Variants in NKAIN2 observed in about 807,000 individuals in gnomAD.
The protein encoded by NKAIN2 is sodium/potassium-transporting ATPase subunit beta-1-interacting protein 2.
NKAIN2 carries 14 observed loss-of-function variants against 32.6 expected under a neutral mutation model. The ratio of observed to expected loss-of-function variants is 0.43; its 90% CI spans 0.28 to 0.67. The LOEUF (loss-of-function observed/expected upper bound fraction) is 0.67. Ranked by LOEUF, NKAIN2 falls within the 30% of genes least tolerant of loss-of-function variation. The pLI is 0.17. For missense variants in NKAIN2, 198 were observed against 258.3 expected, an observed-to-expected ratio of 0.77 and a Z score of 1.60; for synonymous variants, 80 against 87.2, an observed-to-expected ratio of 0.92 and a Z score of 0.46.
chr6:124,278,938 T>A (rs7767432), intron 1 of NKAIN2, among the ~76,000 whole-genome samples: 11,733 of 151,896 alleles, frequency 0.077, 596 homozygotes, highest in East Asian at 0.18. Context: ...TATAATGAGG[T>A]AGATCTATTA....
intron 4 of NKAIN2, among the ~76,000 whole-genome samples, chr6:124,695,819 A>G (rs1205215576): frequency 6.6e-6 from 1 of 152,222 alleles, no homozygotes; most frequent in Non-Finnish European, 1.5e-5. Context: ...TTTCTCACCC[A>G]TCATAAGGGC....
rs1461523347 is a variant in NKAIN2 at position 124,600,879 on chromosome 6, AT to A, written c.274-57301del. Reference sequence around the variant, plus strand: ...ACTCTGCACTTAATAGGCCTTCTCGATTTTTTAAAAAAGAATTGATCAAGAA... The same window carrying A: ...ACTCTGCACTTAATAGGCCTTCTCGATTTTTAAAAAAGAATTGATCAAGAA... On this transcript the variant is annotated intron_variant, in intron 3 of 6. Coordinates refer to ENST00000368417, the MANE Select transcript of NKAIN2 (RefSeq NM_001040214.3). Among the ~76,000 whole-genome samples, 3 of 152,014 alleles carry A rather than the reference AT, an allele frequency of 2.0e-5. No individual in the cohort carries two copies. The East Asian group carries it at 5.8e-4, about 29-fold the overall frequency.
rs370190421 is a variant in NKAIN2, at chr6:124,804,901, A to T, written c.536-13486A>T. On this transcript the variant is annotated intron_variant, in intron 5 of 6. Coordinates refer to ENST00000368417, the MANE Select transcript of NKAIN2 (RefSeq NM_001040214.3). ...GAGTCTCACTGATTGCTAGCACAGCAGTCTGAGATCAAACTGCAAGGCGGC... is the reference window on the plus strand; with the variant it reads ...GAGTCTCACTGATTGCTAGCACAGCTGTCTGAGATCAAACTGCAAGGCGGC... Among the ~76,000 whole-genome samples, 13 of 152,330 alleles carry T rather than the reference A, an allele frequency of 8.5e-5. No individual in the cohort carries two copies. The East Asian group carries it at 1.9e-3, about 23-fold the overall frequency.
At chr6:124,463,476 A>G (rs928640482) in intron 3 of NKAIN2, among the ~76,000 whole-genome samples, 2 of 151,900 alleles carry the variant, frequency 1.3e-5, no homozygotes, top group Non-Finnish European at 2.9e-5. Context: ...ATTATCTCCT[A>G]TTTATTCCCT....
At chr6:124,382,522 A>G (rs969368617) in intron 3 of NKAIN2, among the ~76,000 whole-genome samples, 1 of 152,132 alleles carries the variant, frequency 6.6e-6, no homozygotes, top group African/African-American at 2.4e-5. Context: ...CTCAAGCTAC[A>G]CAATATTGGG....
intron 3 of NKAIN2, among the ~76,000 whole-genome samples, chr6:124,402,711 A>G (rs1773678311): frequency 6.6e-6 from 1 of 152,222 alleles, no homozygotes; most frequent in African/African-American, 2.4e-5. Flanking sequence ...ACAGAAAAGC[A>G]CATACTGCAT....
chr6:124,513,225 A>G (rs1778784367), intron 3 of NKAIN2, among the ~76,000 whole-genome samples: 2 of 152,222 alleles, frequency 1.3e-5, no homozygotes. Flanking sequence ...TCACACTTAT[A>G]TATGGAATTT....
At chr6:124,782,948 G>A (rs1779340178) in intron 4 of NKAIN2, among the ~76,000 whole-genome samples, 1 of 152,044 alleles carries the variant, frequency 6.6e-6, no homozygotes. Flanking sequence ...TCAATGAATA[G>A]TTTTGGTTAA....
intron 1 of NKAIN2, among the ~76,000 whole-genome samples, chr6:124,197,076 T>G (rs568853476): frequency 4.6e-5 from 7 of 151,516 alleles, no homozygotes; most frequent in Non-Finnish European, 1.0e-4. Flanking sequence ...TCTTTAAAAT[T>G]TTCTTTATAT....
intron 1 of NKAIN2, among the ~76,000 whole-genome samples, chr6:123,947,267 T>C (rs1388149207): frequency 1.3e-5 from 2 of 152,224 alleles, no homozygotes; most frequent in Non-Finnish European, 2.9e-5. Context: ...CTTGGACTTT[T>C]TCTAGATCTG....
intron 1 of NKAIN2, among the ~76,000 whole-genome samples, chr6:123,892,718 A>G (rs1334921725): frequency 6.6e-6 from 1 of 151,786 alleles, no homozygotes; most frequent in Non-Finnish European, 1.5e-5. Context: ...ATGGAAACAA[A>G]TGTAGATTTG....
intron 3 of NKAIN2, among the ~76,000 whole-genome samples, chr6:124,415,404 C>A (rs1046561947): frequency 2.6e-5 from 4 of 152,184 alleles, no homozygotes; most frequent in Admixed American, 2.6e-4. Context: ...ATGGATAAGG[C>A]GAGGCATGGG....
chr6:123,902,702 ATT>A (rs1774664443), intron 1 of NKAIN2, among the ~76,000 whole-genome samples: 1 of 152,168 alleles, frequency 6.6e-6, no homozygotes, highest in African/African-American at 2.4e-5. Flanking sequence ...AGAAGCATCG[ATT>A]TATTCAGAAG....
intron 1 of NKAIN2, among the ~76,000 whole-genome samples, chr6:123,835,729 G>T (rs1298084877): frequency 3.3e-5 from 5 of 152,114 alleles, no homozygotes; most frequent in Non-Finnish European, 7.4e-5. Flanking sequence ...GTTGTCTTGG[G>T]CTGCTACTGC....
chr6:124,408,805 G>C (rs1479600709), intron 3 of NKAIN2, among the ~76,000 whole-genome samples: 11 of 152,084 alleles, frequency 7.2e-5, no homozygotes, highest in Admixed American at 2.0e-4. Flanking sequence ...CCATTTTCAC[G>C]ATATTGATTC....
intron 1 of NKAIN2, among the ~76,000 whole-genome samples, chr6:123,859,255 A>G (rs539937310): frequency 6.6e-6 from 1 of 152,274 alleles, no homozygotes; most frequent in South Asian, 2.1e-4. Flanking sequence ...ACATTTTTCC[A>G]TATAGATAGA....
intron 1 of NKAIN2, among the ~76,000 whole-genome samples, chr6:124,224,647 A>G (rs956794266): frequency 2.0e-5 from 3 of 152,130 alleles, no homozygotes; most frequent in Admixed American, 6.5e-5. Context: ...CTGAATAAAT[A>G]TAACTAAGAG....
chr6:124,588,129 C>G (rs1276695630), intron 3 of NKAIN2, among the ~76,000 whole-genome samples: 1 of 152,102 alleles, frequency 6.6e-6, no homozygotes, highest in Non-Finnish European at 1.5e-5. Context: ...TTTATAGGTA[C>G]AGATTTTATA....
rs926509735 is a variant in NKAIN2 at position 124,070,887 on chromosome 6, A to G, written c.55-212118A>G. Among the ~76,000 whole-genome samples the G allele has an allele frequency of 4.7e-4, 72 of 152,088 alleles. 2 individuals carry two copies. Among genetic ancestry groups the G allele is most frequent in the Non-Finnish European group, 2.9e-5 (2 of 68,006 alleles). On this transcript the variant is annotated intron_variant, in intron 1 of 6. Coordinates refer to ENST00000368417, the MANE Select transcript of NKAIN2 (RefSeq NM_001040214.3). The stretch of plus-strand genomic sequence containing the variant: ...CATAAAACTACACTAACCAAACACC[A>G]TGGCACTGTTACAAAAACAGCATGG...
Sources: gnomAD v4.1 joint callset for allele counts (sites outside exome capture counted in the v4.1 genomes callset) on GRCh38, gnomAD v4.1.1 for gene constraint, MANE v1.5 for transcripts, NCBI Gene and HGNC (gene_info 2026-07-23, HGNC 2026-07-21) for gene names.